ARHGEF4: variants seen among roughly 807,000 people sequenced by gnomAD.
ARHGEF4 encodes Rho guanine nucleotide exchange factor 4, also known as APC-stimulated guanine nucleotide exchange factor 1.
Under a neutral mutation model 162.0 loss-of-function variants are expected in ARHGEF4, and 119 were observed. That is an observed-to-expected ratio of 0.73 (90% confidence interval 0.63 to 0.86). The LOEUF (loss-of-function observed/expected upper bound fraction) is 0.86. Ranked by LOEUF, ARHGEF4 falls within the 40% of genes least tolerant of loss-of-function variation. The pLI, the probability that ARHGEF4 is intolerant of heterozygous loss-of-function variation, is 0.00. For synonymous variants in ARHGEF4, 1,014 were observed against 979.9 expected, an observed-to-expected ratio of 1.03 and a Z score of -0.65; for missense variants, 2,488 against 2,456.0, an observed-to-expected ratio of 1.01 and a Z score of -0.28.
At position 130,913,997 on chromosome 2, in the gene ARHGEF4, A is replaced by G; in HGVS notation, c.51A>G (p.Pro17=). ...FLRSFFKTPE[P]GAHLPGEGEI... ...TCTTGCCCTCCCAGACTCCAGAGCC[A>G]GGTGCACACCTGCCAGGTGAAGGTG... Residue 17 remains proline (P), a synonymous_variant, in exon 2 of 14, where the codon CCA becomes CCG. Coordinates refer to ENST00000409359, the MANE Select transcript of ARHGEF4 (RefSeq NM_001367493.1). 6.5e-7 allele frequency: 1 copy of G among 1,536,112 alleles called. No individual in the cohort carries two copies. The highest frequency in any genetic ancestry group is 1.4e-5 in the African/African-American group (1 of 73,162).
chr2:131,021,960 G>T (rs1310773850), intron 4 of ARHGEF4, among the ~76,000 whole-genome samples: 1 of 152,090 alleles, frequency 6.6e-6, no homozygotes, highest in Non-Finnish European at 1.5e-5. Flanking sequence ...ATATTGATTT[G>T]CTCTCCTATG....
chr2:130,916,932 G>T lies in ARHGEF4; in HGVS notation c.2986G>T (p.Glu996Ter). The change falls in exon 2 of 14, where the codon GAG (glutamate) becomes TAG (stop). Residue 996 changes from glutamate (E) to a stop codon, truncating the protein, a stop_gained. Coordinates refer to ENST00000409359, the MANE Select transcript of ARHGEF4 (RefSeq NM_001367493.1). LOFTEE classifies it high-confidence loss of function. ...SHCEERAEDKEGYVFSDHWAP... is the reference protein window; with the variant it reads ...SHCEERAEDK ...CTGTGAGGAACGGGCGGAGGACAAA[G>T]AGGGCTATGTTTTTAGCGATCACTG... 1 of 1,550,710 alleles carries T rather than the reference G, an allele frequency of 6.4e-7. No individual in the cohort carries two copies. Among genetic ancestry groups the T allele is most frequent in the South Asian group, 1.2e-5 (1 of 84,056 alleles).
chr2:131,006,550 T>C (rs1688124716), intron 4 of ARHGEF4, among the ~76,000 whole-genome samples: 1 of 152,226 alleles, frequency 6.6e-6, no homozygotes, highest in African/African-American at 2.4e-5. Context: ...GTTTGTCTAC[T>C]ATTCACTAGT....
At chr2:130,874,607 A>T (rs1213073243) in intron 1 of ARHGEF4, among the ~76,000 whole-genome samples, 1 of 152,232 alleles carries the variant, frequency 6.6e-6, no homozygotes, top group Non-Finnish European at 1.5e-5. Flanking sequence ...ACTCACATGC[A>T]GTTCTAAGAA....
At chr2:131,041,584 C>T in intron 9 of ARHGEF4, 122 bp downstream of exon 9, 1 of 1,172,552 alleles carries the variant, frequency 8.5e-7, no homozygotes, top group Non-Finnish European at 1.2e-6. Flanking sequence ...GAAAACTAGC[C>T]CTGTCCTGAT....
chr2:130,877,794 CT>C (rs1207177888), intron 1 of ARHGEF4, among the ~76,000 whole-genome samples: 1 of 152,172 alleles, frequency 6.6e-6, no homozygotes, highest in Non-Finnish European at 1.5e-5. Flanking sequence ...TTCTCCACAC[CT>C]TTCACCACTA....
At chr2:131,045,971 T>C (rs2105427586) in intron 13 of ARHGEF4, 67 bp from the exon 14 acceptor site, 1 of 1,557,262 alleles carries the variant, frequency 6.4e-7, no homozygotes, top group East Asian at 2.3e-5. Context: ...CCCCATGCTG[T>C]CCCCAACAGC....
At chr2:130,906,977 G>A (rs559496432) in intron 1 of ARHGEF4, among the ~76,000 whole-genome samples, 4 of 152,194 alleles carry the variant, frequency 2.6e-5, no homozygotes, top group East Asian at 1.9e-4. Context: ...AGAGCGGTTC[G>A]ATCACTTAAA....
intron 1 of ARHGEF4, among the ~76,000 whole-genome samples, chr2:130,882,778 T>C (rs1452629742): frequency 2.6e-5 from 4 of 151,802 alleles, no homozygotes; most frequent in East Asian, 1.9e-4. Context: ...AAATGAAATG[T>C]CTGTGGGTGC....
chr2:130,914,907 A>G lies in ARHGEF4; in HGVS notation c.961A>G (p.Arg321Gly), dbSNP rs202057647. 9.7e-4 allele frequency: 1,475 copies of G among 1,517,096 alleles called. No individual in the cohort carries two copies. Among genetic ancestry groups the G allele is most frequent in the Non-Finnish European group, 1.2e-3 (1,392 of 1,129,734 alleles). The allele number at this position is 1,517,096 out of a possible 1,614,324, so 94.0% of individuals were successfully genotyped here. Residue 321 changes from arginine to glycine, a missense_variant, in exon 2 of 14, where the codon AGG (arginine) becomes GGG (glycine). Around this residue, in one of 6 missense-constraint regions of ARHGEF4, gnomAD observed 1,642 missense variants for 1,481.5 expected, o/e 1.11. Coordinates refer to ENST00000409359, the MANE Select transcript of ARHGEF4 (RefSeq NM_001367493.1). ...SAPETTGDKN[R>G]ASPRLNCGHM... ...CCCAGAAACTACTGGTGACAAGAAC[A>G]GGGCATCCCCCAGACTCAACTGTGG...
At chr2:130,940,798 C>A (rs1683244998) in intron 3 of ARHGEF4, among the ~76,000 whole-genome samples, 1 of 143,688 alleles carries the variant, frequency 7.0e-6, no homozygotes, top group Non-Finnish European at 1.5e-5. Context: ...CGCCACTGCA[C>A]TCTAGCCTGG....
At chr2:130,927,155 C>T (rs574358010) in intron 2 of ARHGEF4, among the ~76,000 whole-genome samples, 1 of 152,158 alleles carries the variant, frequency 6.6e-6, no homozygotes, top group South Asian at 2.1e-4. Flanking sequence ...TTTAGAATGG[C>T]AGTGGGTGCT....
chr2:131,037,632 C>T (rs887478906), intron 5 of ARHGEF4, among the ~76,000 whole-genome samples: 1 of 152,184 alleles, frequency 6.6e-6, no homozygotes, highest in African/African-American at 2.4e-5. Flanking sequence ...CCTCTCCTGC[C>T]CTAAGGCCCT....
At chr2:130,879,764 T>C (rs1679076664) in intron 1 of ARHGEF4, among the ~76,000 whole-genome samples, 2 of 151,848 alleles carry the variant, frequency 1.3e-5, no homozygotes, top group African/African-American at 4.9e-5. Flanking sequence ...GACAGGATTT[T>C]CTTCTTTATT....
chr2:130,916,307 G>C lies in ARHGEF4; in HGVS notation c.2361G>C (p.Glu787Asp), dbSNP rs754134235. ...PPRGLRKGAQ[E>D]PGKRPTFSKV... ...GCGGGCTCCGCAAGGGCGCGCAGGA[G>C]CCTGGGAAGCGCCCGACGTTTTCCA... The change falls in exon 2 of 14, where the codon GAG becomes GAC. Residue 787 changes from glutamate (E) to aspartate (D), a missense_variant. Physicochemically the swap from Glu to Asp is conservative, Grantham distance 45. Around this residue, in one of 6 missense-constraint regions of ARHGEF4, gnomAD observed 1,642 missense variants for 1,481.5 expected, o/e 1.11. Coordinates refer to ENST00000409359, the MANE Select transcript of ARHGEF4 (RefSeq NM_001367493.1). 5.4e-5 allele frequency: 84 copies of C among 1,542,116 alleles called. No homozygotes were observed. Among genetic ancestry groups the C allele is most frequent in the Non-Finnish European group, 7.3e-5 (83 of 1,144,800 alleles).
chr2:131,046,704 G>A lies in ARHGEF4; in HGVS notation c.*515G>A, dbSNP rs1691289731. On this transcript the variant is annotated 3_prime_UTR_variant, in exon 14 of 14. Transcript: ENST00000409359. ...TTGCCACTTGGGAGGGCAGAAGCCA[G>A]GAATTCCACACCCTTGTGTTGCGCC... The A allele has an allele frequency of 6.5e-6, 1 of 153,972 alleles. No individual in the cohort carries two copies. The highest frequency in any genetic ancestry group is 1.4e-5 in the Non-Finnish European group (1 of 69,134). The allele number at this position is 153,972 out of a possible 1,614,324, so 9.5% of individuals were successfully genotyped here. A position where few individuals can be genotyped will look rare whatever the true frequency, so the allele number is the denominator to read the frequency against.
chr2:130,941,598 T>C (rs1018462768), intron 3 of ARHGEF4, among the ~76,000 whole-genome samples: 3 of 152,152 alleles, frequency 2.0e-5, no homozygotes, highest in Non-Finnish European at 4.4e-5. Flanking sequence ...TAACACTTAT[T>C]TTGTATGTTG....
intron 4 of ARHGEF4, among the ~76,000 whole-genome samples, chr2:130,983,644 TTTTA>T (rs1182283776): frequency 2.0e-5 from 3 of 151,932 alleles, no homozygotes; most frequent in African/African-American, 7.2e-5. Flanking sequence ...TTTTATTTTA[TTTTA>T]TTTATTTAAT....
intron 4 of ARHGEF4, among the ~76,000 whole-genome samples, chr2:130,978,168 A>C (rs1445073411): frequency 6.6e-6 from 1 of 152,026 alleles, no homozygotes; most frequent in African/African-American, 2.4e-5. Context: ...TGTCTATGGG[A>C]CCCTCGGGCT....
Sources: allele counts gnomAD v4.1 joint callset (sites outside exome capture counted in the v4.1 genomes callset), GRCh38; gene constraint gnomAD v4.1.1; regional missense constraint gnomAD v4.1.1; transcripts MANE v1.5; gene names NCBI Gene and HGNC (gene_info 2026-07-23, HGNC 2026-07-21).